The following RUVBL1 variants were observed in gnomAD, a reference collection of about 807,000 sequenced individuals.
RUVBL1 encodes the protein RuvB like AAA ATPase 1.
A neutral mutation model predicts 52.4 loss-of-function variants in RUVBL1; 4 were observed. That is an observed-to-expected ratio of 0.08 (90% CI 0.04 to 0.17). The LOEUF (loss-of-function observed/expected upper bound fraction) is 0.17. Among genes scored for constraint, RUVBL1 ranks in the 10% least tolerant of loss-of-function variants. The pLI is 1.00. For synonymous variants in RUVBL1, 217 were observed against 214.4 expected, an observed-to-expected ratio of 1.01 and a Z score of -0.10; for missense variants, 298 against 572.8, an observed-to-expected ratio of 0.52 and a Z score of 4.90.
chr3:128,094,819 C>T (rs1480713857), intron 8 of RUVBL1, among the ~76,000 whole-genome samples: 1 of 152,172 alleles, frequency 6.6e-6, no homozygotes, highest in East Asian at 1.9e-4. Context: ...CTGTAGTTCC[C>T]CTCTAGGGGT....
chr3:128,107,394 C>T (rs1170294925), intron 3 of RUVBL1, among the ~76,000 whole-genome samples: 1 of 152,208 alleles, frequency 6.6e-6, no homozygotes, highest in Non-Finnish European at 1.5e-5. Context: ...GTTCTGATGG[C>T]AGGGTGGCTT....
intron 9 of RUVBL1, chr3:128,069,467 C>T: frequency 6.2e-7 from 1 of 1,607,968 alleles, no homozygotes; most frequent in Non-Finnish European, 8.5e-7. Flanking sequence ...ACTGTGTCCC[C>T]TCCCCCAGGT....
chr3:128,090,055 G>T (rs1438127565), intron 8 of RUVBL1, among the ~76,000 whole-genome samples: 4 of 152,040 alleles, frequency 2.6e-5, no homozygotes, highest in Non-Finnish European at 5.9e-5. Context: ...GGAAATAGTG[G>T]TGATGGTTTT....
At position 128,123,665 on chromosome 3, in the gene RUVBL1, G is replaced by A. The variant is rs963822030; in HGVS notation, c.60C>T (p.His20=). The change falls in exon 1 of 11, where the codon CAC becomes CAT. Residue 20 remains histidine, a synonymous_variant. Transcript: ENST00000322623. ...TCTCGTCCAGCCCCAGCCCTTTCAC[G>A]TGGCTGTGGGAGGCGATGCGCTGCG... is the stretch of plus-strand genomic sequence containing the variant. The part of the protein sequence containing the change: ...TKTQRIASHS[H]VKGLGLDESG... The A allele has an allele frequency of 1.9e-6, 3 of 1,612,134 alleles. No individual in the cohort carries two copies. The highest frequency in any genetic ancestry group is 1.3e-5 in the African/African-American group (1 of 74,922).
At chr3:128,121,094 A>T (rs769764258) in intron 1 of RUVBL1, among the ~76,000 whole-genome samples, 12 of 151,976 alleles carry the variant, frequency 7.9e-5, no homozygotes, top group African/African-American at 2.7e-4. Context: ...TATTCTTCAG[A>T]TGCTACTTTT....
intron 1 of RUVBL1, among the ~76,000 whole-genome samples, chr3:128,144,496 T>G (rs1944074642): frequency 6.6e-6 from 1 of 152,240 alleles, no homozygotes; most frequent in South Asian, 2.1e-4. Context: ...TCCCAGGGAC[T>G]GTGTCCAGCC....
At chr3:128,106,477 T>C (rs193122291) in intron 3 of RUVBL1, among the ~76,000 whole-genome samples, 22 of 147,140 alleles carry the variant, frequency 1.5e-4, no homozygotes, top group Admixed American at 1.3e-3. Flanking sequence ...CCTTCACACA[T>C]TCTTCTTCCT....
intron 4 of RUVBL1, among the ~76,000 whole-genome samples, chr3:128,102,843 A>C (rs1943135614): frequency 6.6e-6 from 1 of 152,234 alleles, no homozygotes; most frequent in African/African-American, 2.4e-5. Context: ...TATCTGAATA[A>C]AGCTTTTAAA....
chr3:128,096,305 A>G (rs1942967771), intron 8 of RUVBL1, among the ~76,000 whole-genome samples: 1 of 152,222 alleles, frequency 6.6e-6, no homozygotes, highest in Non-Finnish European at 1.5e-5. Flanking sequence ...AGATGGGAAG[A>G]TGGGGTGTTC....
Position 128,121,301 on chromosome 3 carries a change from G to A in RUVBL1, c.142-1887C>T, listed in dbSNP as rs193188321. 5.9e-5 allele frequency among the ~76,000 whole-genome samples: 9 copies of A among 151,696 alleles called. No homozygotes were observed. In the East Asian group the frequency reaches 8.0e-4, roughly 14 times the overall value. On this transcript the variant is annotated intron_variant, in intron 1 of 10. Transcript: ENST00000322623. ...AGTAGAGACAGGGTTTCGTCATGTT[G>A]GCCAGGCTGGTCTCAAACTCCTGAC...
upstream of RUVBL1, chr3:128,123,984 G>C (rs778118179): frequency 1.1e-6 from 1 of 907,304 alleles, no homozygotes; most frequent in African/African-American, 1.8e-5. Context: ...GCTTCCTGCC[G>C]AGGCTGGGGT....
At chr3:128,125,109 G>A (rs1468102043), upstream of RUVBL1, among the ~76,000 whole-genome samples, 2 of 133,694 alleles carry the variant, frequency 1.5e-5, no homozygotes, top group East Asian at 5.1e-4. Context: ...CCGCCTCCCG[G>A]GTTCACGCCA....
intron 3 of RUVBL1, among the ~76,000 whole-genome samples, chr3:128,112,296 T>C (rs146762232): frequency 4.7e-4 from 72 of 152,354 alleles, no homozygotes; most frequent in African/African-American, 1.4e-3. Flanking sequence ...TAGCAAGTTA[T>C]TTAACCTTCT....
intron 9 of RUVBL1, chr3:128,069,718 C>T (rs1942098785): frequency 6.7e-7 from 1 of 1,499,064 alleles, no homozygotes; most frequent in Non-Finnish European, 9.2e-7. Context: ...GGAAGGGGAG[C>T]TCTCATCATG....
chr3:128,136,185 G>C (rs1462278980), intron 1 of RUVBL1, among the ~76,000 whole-genome samples: 1 of 148,936 alleles, frequency 6.7e-6, no homozygotes, highest in Admixed American at 6.7e-5. Flanking sequence ...AGGAAAACAG[G>C]AAGGAAGGAA....
intron 9 of RUVBL1, chr3:128,084,188 G>A (rs549083068): frequency 6.6e-6 from 1 of 152,406 alleles, no homozygotes; most frequent in African/African-American, 2.4e-5. Flanking sequence ...TGGGCTCATG[G>A]GTGAACTGCC....
In RUVBL1 at chr3:128,109,440, G is replaced by A. The variant is rs144751339; in HGVS notation, c.361+3448C>T. ...TCTGTAGCCCAAGCTGGAATGCAGTGGCGCAATGTCACCTCACTACAACCA... is the reference window on the plus strand; with the variant it reads ...TCTGTAGCCCAAGCTGGAATGCAGTAGCGCAATGTCACCTCACTACAACCA... On this transcript the variant is annotated intron_variant, in intron 3 of 10. Transcript: ENST00000322623. Among the ~76,000 whole-genome samples the A allele has an allele frequency of 1.9e-3, 292 of 152,138 alleles. 1 individual carries two copies. Among genetic ancestry groups the A allele is most frequent in the African/African-American group, 6.6e-3 (272 of 41,512 alleles).
rs908226253 is a variant in RUVBL1 at position 128,100,896 on chromosome 3, A to C, written c.604-152T>G. Reference sequence around the variant, plus strand: ...AAATATGCCCCACTCCCCTGCTGCCAAGAGAAGGGAGCTATCTGCTCATCG... The same window carrying C: ...AAATATGCCCCACTCCCCTGCTGCCCAGAGAAGGGAGCTATCTGCTCATCG... On this transcript the variant is annotated intron_variant, in intron 5 of 10. Coordinates refer to ENST00000322623, the MANE Select transcript of RUVBL1 (RefSeq NM_003707.3). 3 of 852,250 alleles carry C rather than the reference A, an allele frequency of 3.5e-6. No homozygotes were observed. In the Admixed American group the frequency reaches 9.6e-5, roughly 27 times the overall value. The allele number at this position is 852,250 out of a possible 1,614,324, so 52.8% of individuals were successfully genotyped here. A position where few individuals can be genotyped will look rare whatever the true frequency, so the allele number is the denominator to read the frequency against.
chr3:128,118,234 T>C (rs1227745178), intron 2 of RUVBL1, among the ~76,000 whole-genome samples: 4 of 152,010 alleles, frequency 2.6e-5, no homozygotes, highest in Admixed American at 6.5e-5. Flanking sequence ...TATGGCACTT[T>C]ACAGTTTAAA....
Sources: gnomAD v4.1 joint callset for allele counts (sites outside exome capture counted in the v4.1 genomes callset) on GRCh38, gnomAD v4.1.1 for gene constraint, MANE v1.5 for transcripts, NCBI Gene and HGNC (gene_info 2026-07-23, HGNC 2026-07-21) for gene names.